The following CHD6 variants were observed in gnomAD, a reference collection of about 807,000 sequenced individuals.
CHD6 encodes chromodomain helicase DNA binding protein 6, also known as ATP-dependent chromatin remodeler CHD6.
In CHD6, 50 loss-of-function variants were observed where a neutral mutation model predicts 276.9. The ratio of observed to expected loss-of-function variants is 0.18; its 90% CI spans 0.14 to 0.23. CHD6 has a LOEUF of 0.23. Ranked by LOEUF, CHD6 falls within the 10% of genes least tolerant of loss-of-function variation. The pLI is 1.00. For synonymous variants in CHD6, 1,173 were observed against 1,229.3 expected (o/e 0.95, Z 0.96); for missense variants, 2,564 against 3,365.8 (o/e 0.76, Z 5.89).
chr20:41,524,720 A>T (rs1305359189), intron 3 of CHD6, among the ~76,000 whole-genome samples: 1 of 152,200 alleles, frequency 6.6e-6, no homozygotes, highest in Non-Finnish European at 1.5e-5. Flanking sequence ...TGATGAATTC[A>T]GATCTCATAT....
At chr20:41,577,984 A>G (rs1295696488) in intron 1 of CHD6, among the ~76,000 whole-genome samples, 1 of 152,256 alleles carries the variant, frequency 6.6e-6, no homozygotes, top group Non-Finnish European at 1.5e-5. Context: ...CATAGAAAAC[A>G]CTACATGAGG....
At chr20:41,493,474 T>C in intron 10 of CHD6, 64 bp downstream of exon 10, 4 of 1,532,410 alleles carry the variant, frequency 2.6e-6, no homozygotes, top group Non-Finnish European at 3.6e-6. Flanking sequence ...TGGACTTCCA[T>C]GATTGCAAAG....
chr20:41,615,607 T>C (rs575139989), intron 1 of CHD6, among the ~76,000 whole-genome samples: 8 of 152,320 alleles, frequency 5.3e-5, no homozygotes, highest in East Asian at 1.9e-4. Flanking sequence ...AGGAGGGAAG[T>C]AGAGTGCAGC....
At chr20:41,524,431 T>C (rs1192545365) in intron 3 of CHD6, among the ~76,000 whole-genome samples, 3 of 152,318 alleles carry the variant, frequency 2.0e-5, no homozygotes, top group East Asian at 1.9e-4. Context: ...GTTTGTGATA[T>C]TGTCCTAGTA....
chr20:41,445,904 T>C, intron 24 of CHD6, 136 bp from the exon 25 acceptor site: 2 of 594,554 alleles, frequency 3.4e-6, no homozygotes, highest in Non-Finnish European at 6.1e-6. Flanking sequence ...TGTGGGTCAT[T>C]GTTTCTCAAC....
At chr20:41,418,674 AC>A (rs905407462) in intron 31 of CHD6, among the ~76,000 whole-genome samples, 6 of 152,160 alleles carry the variant, frequency 3.9e-5, no homozygotes, top group African/African-American at 1.4e-4. Flanking sequence ...TGACAGGTGT[AC>A]CAATTAATTA....
intron 25 of CHD6, among the ~76,000 whole-genome samples, chr20:41,443,012 A>G (rs2047946821): frequency 6.6e-6 from 1 of 152,254 alleles, no homozygotes; most frequent in Admixed American, 6.5e-5. Flanking sequence ...ATTATCTGCT[A>G]AACTCATCCT....
chr20:41,604,222 GA>G (rs985874367), intron 1 of CHD6, among the ~76,000 whole-genome samples: 2 of 152,138 alleles, frequency 1.3e-5, no homozygotes, highest in African/African-American at 2.4e-5. Context: ...TGTATGGCTG[GA>G]AATAAAGGTT....
chr20:41,416,833 G>T, intron 32 of CHD6, 39 bp from the exon 33 acceptor site: 1 of 1,445,490 alleles, frequency 6.9e-7, no homozygotes. Flanking sequence ...TAAGGATCGA[G>T]TTACCTAAAT....
At chr20:41,447,770 G>A (rs2294570) in intron 24 of CHD6, 112 bp downstream of exon 24, 2 of 638,436 alleles carry the variant, frequency 3.1e-6, no homozygotes, top group African/African-American at 3.7e-5. Flanking sequence ...TCCTGGGCAG[G>A]GGGTAGGAGG....
intron 3 of CHD6, among the ~76,000 whole-genome samples, chr20:41,524,946 T>G (rs1402445325): frequency 1.3e-5 from 2 of 152,234 alleles, no homozygotes; most frequent in African/African-American, 4.8e-5. Flanking sequence ...CAGTTGTTCT[T>G]TTCTTTCTTC....
At chr20:41,430,366 TG>T (rs2047497881) in intron 27 of CHD6, among the ~76,000 whole-genome samples, 1 of 152,240 alleles carries the variant, frequency 6.6e-6, no homozygotes. Context: ...TTATTTTTAT[TG>T]ATTCTGCCAT....
intron 27 of CHD6, among the ~76,000 whole-genome samples, chr20:41,435,430 CA>C (rs199497725): frequency 0.026 from 3,884 of 151,638 alleles, 61 homozygotes; most frequent in South Asian, 0.055. Flanking sequence ...CCTGTCTCTA[CA>C]AAAAAACAGA....
chr20:41,478,724 T>C (rs995655170), intron 16 of CHD6, among the ~76,000 whole-genome samples: 15 of 152,176 alleles, frequency 9.9e-5, no homozygotes, highest in African/African-American at 3.6e-4. Context: ...ACCAGACACA[T>C]TGACAGAGTT....
chr20:41,533,813 CTTTGAT>C, intron 2 of CHD6, among the ~76,000 whole-genome samples: 2 of 152,240 alleles, frequency 1.3e-5, no homozygotes, highest in Middle Eastern at 6.8e-3. Flanking sequence ...AAAGGTAGGC[CTTTGAT>C]TTTAACTAAA....
In CHD6 at chr20:41,412,237, C is replaced by A. The variant is rs1758160097; in HGVS notation, c.7158G>T (p.Arg2386Ser). ...GANFSDKPKQRRPRCKEPGKL... is the reference protein window; with the variant it reads ...GANFSDKPKQSRPRCKEPGKL... ...TTCCAGGTTCTTTACAGCGTGGCCT[C>A]CTCTGCTTTGGTTTGTCTGAAAAAT... is the stretch of plus-strand genomic sequence containing the variant. The change falls in exon 36 of 37, where the codon AGG (arginine) becomes AGT (serine). Residue 2386 changes from arginine to serine, a missense_variant. By Grantham distance (110) the Arg-to-Ser change is moderately radical. Around this residue, in one of 7 missense-constraint regions of CHD6, gnomAD observed 1,024 missense variants for 1,047.9 expected, o/e 0.98. Transcript: ENST00000373233. 2.5e-6 allele frequency: 4 copies of A among 1,614,200 alleles called. No homozygotes were observed. The highest frequency in any genetic ancestry group is 3.4e-6 in the Non-Finnish European group (4 of 1,179,992).
At chr20:41,600,111 G>A (rs1162482406) in intron 1 of CHD6, among the ~76,000 whole-genome samples, 2 of 152,174 alleles carry the variant, frequency 1.3e-5, no homozygotes, top group Non-Finnish European at 2.9e-5. Flanking sequence ...TGTAACATTT[G>A]TGTGTCTGTC....
intron 17 of CHD6, among the ~76,000 whole-genome samples, chr20:41,469,823 C>T (rs1201724525): frequency 2.0e-5 from 3 of 152,206 alleles, no homozygotes; most frequent in African/African-American, 7.2e-5. Flanking sequence ...TTTAATAGTC[C>T]AGATAAAACA....
At chr20:41,422,664 T>C (rs1424437197) in intron 30 of CHD6, among the ~76,000 whole-genome samples, 1 of 152,110 alleles carries the variant, frequency 6.6e-6, no homozygotes, top group Non-Finnish European at 1.5e-5. Flanking sequence ...AATCCTACCA[T>C]ACCATCATCA....
Sources: allele counts gnomAD v4.1 joint callset (sites outside exome capture counted in the v4.1 genomes callset), GRCh38; gene constraint gnomAD v4.1.1; regional missense constraint gnomAD v4.1.1; transcripts MANE v1.5; gene names NCBI Gene and HGNC (gene_info 2026-07-23, HGNC 2026-07-21).